The following BBS10 variants were observed in gnomAD, a reference collection of about 807,000 sequenced individuals.
BBS10 encodes the protein Bardet-Biedl syndrome 10, also known as BBSome complex assembly protein BBS10.
BBS10 carries 13 observed loss-of-function variants against 12.7 expected under a neutral mutation model. That is an observed-to-expected ratio of 1.03 (90% CI 0.67 to 1.63). The LOEUF (loss-of-function observed/expected upper bound fraction) is 1.63, where lower values mean the gene tolerates loss of function less well. Ranked by LOEUF, BBS10 falls within the 40% of genes most tolerant of loss-of-function variation. BBS10 has a pLI of 0.00. For synonymous variants in BBS10, 294 were observed against 304.8 expected (o/e 0.96, Z 0.37); for missense variants, 858 against 858.0 (o/e 1.00, Z 0.00).
At chr12:76,347,808 G>A in intron 1 of BBS10, 21 bp from the exon 2 acceptor site, 2 of 1,597,988 alleles carry the variant, frequency 1.3e-6, no homozygotes, top group Non-Finnish European at 1.7e-6. Flanking sequence ...AAGAAATAAA[G>A]CAACTCATTT....
Position 76,347,294 on chromosome 12 carries a change from A to G in BBS10, c.691T>C (p.Ser231Pro), listed in dbSNP as rs777951931. The change falls in exon 2 of 2, where the codon TCA becomes CCA. Residue 231 changes from serine to proline, a missense_variant. Transcript: ENST00000650064. The stretch of plus-strand genomic sequence containing the variant: ...AGACCAGCTATGATCCTGGAATCTG[A>G]AACAGGAAGGCCAGTGACACCAACA... ...LNVGVTGLPV[S>P]DSRIIAGLVL... 8 of 1,613,948 alleles carry G rather than the reference A, an allele frequency of 5.0e-6. No individual in the cohort carries two copies. Among genetic ancestry groups the G allele is most frequent in the African/African-American group, 1.3e-5 (1 of 75,050 alleles).
chr12:76,348,263 C>G lies in BBS10; in HGVS notation c.96G>C (p.Glu32Asp). 2 of 1,613,472 alleles carry G rather than the reference C, an allele frequency of 1.2e-6. No homozygotes were observed. The highest frequency in any genetic ancestry group is 1.7e-6 in the Non-Finnish European group (2 of 1,179,718). ...EAIVSCCVGPEGRQVLCTKPT... is the reference protein window; with the variant it reads ...EAIVSCCVGPDGRQVLCTKPT... ...GCTTCGTACACAAAACTTGCCGTCC[C>G]TCGGGCCCCACGCAGCAGCTCACGA... Residue 32 changes from glutamate to aspartate, a missense_variant, in exon 1 of 2, where the codon GAG (glutamate) becomes GAC (aspartate). By Grantham distance (45) the Glu-to-Asp change is conservative. Coordinates refer to ENST00000650064, the MANE Select transcript of BBS10 (RefSeq NM_024685.4).
chr12:76,347,800 G>T lies in BBS10; in HGVS notation c.198-13C>A. 1.3e-6 allele frequency: 2 copies of T among 1,598,788 alleles called. No individual in the cohort carries two copies. The highest frequency in any genetic ancestry group is 1.7e-6 in the Non-Finnish European group (2 of 1,179,494). On this transcript the variant is annotated splice_polypyrimidine_tract_variant and intron_variant, in intron 1 of 1. Transcript: ENST00000650064. ...GTCCACTATCATCCTGTACAAAAAAGAAATAAAGCAACTCATTTTCAGAAG... is the reference window on the plus strand; with the variant it reads ...GTCCACTATCATCCTGTACAAAAAATAAATAAAGCAACTCATTTTCAGAAG...
chr12:76,346,733 G>A lies in BBS10; in HGVS notation c.1252C>T (p.Leu418Phe), dbSNP rs757989987. 8.7e-6 allele frequency: 14 copies of A among 1,614,124 alleles called. No homozygotes were observed. The highest frequency in any genetic ancestry group is 1.2e-5 in the Non-Finnish European group (14 of 1,179,990). The change falls in exon 2 of 2, where the codon CTT becomes TTT. Residue 418 changes from leucine (L) to phenylalanine (F), a missense_variant. Physicochemically the swap from Leu to Phe is conservative, Grantham distance 22 (BLOSUM62 0). Transcript: ENST00000650064. ...EQHEDALHGA[L>F]KMLRQLFKDL... ...TTAAATAATTGCCGAAGCATTTTAAGTGCTCCATGTAAAGCATCCTCATGT... is the reference window on the plus strand; with the variant it reads ...TTAAATAATTGCCGAAGCATTTTAAATGCTCCATGTAAAGCATCCTCATGT...
Position 76,346,432 on chromosome 12 carries a change from T to C in BBS10, c.1553A>G (p.Gln518Arg), listed in dbSNP as rs745357628. Residue 518 changes from glutamine to arginine, a missense_variant, in exon 2 of 2, where the codon CAA becomes CGA. Coordinates refer to ENST00000650064, the MANE Select transcript of BBS10 (RefSeq NM_024685.4). ...CAAACATGTCAGCGTTTCAACTGTT[T>C]GGAATGTATCTGTTGGTGTCAGTGT... ...TPTLTPTDTFQTVETLTCLSL... is the reference protein window; with the variant it reads ...TPTLTPTDTFRTVETLTCLSL... The C allele has an allele frequency of 1.2e-6, 2 of 1,614,206 alleles. No individual in the cohort carries two copies. Among genetic ancestry groups the C allele is most frequent in the South Asian group, 1.1e-5 (1 of 91,080 alleles).
Position 76,346,134 on chromosome 12 carries a change from A to G in BBS10, c.1851T>C (p.Tyr617=). The change falls in exon 2 of 2, where the codon TAT becomes TAC. Residue 617 remains tyrosine, a synonymous_variant. Transcript: ENST00000650064. Reference sequence around the variant, plus strand: ...CTTCTGATTGATGGCATTTTTTGGCATAATTGAGAAGATAGTAATGTAACA... The same window carrying G: ...CTTCTGATTGATGGCATTTTTTGGCGTAATTGAGAAGATAGTAATGTAACA... ...EILLHYYLLN[Y]AKKCHQSEET... The G allele has an allele frequency of 1.2e-6, 2 of 1,608,594 alleles. No homozygotes were observed. The highest frequency in any genetic ancestry group is 1.7e-6 in the Non-Finnish European group (2 of 1,178,288).
Position 76,348,268 on chromosome 12 carries a change from G to A in BBS10, c.91C>T (p.Pro31Ser), listed in dbSNP as rs766895183. The A allele has an allele frequency of 1.9e-6, 3 of 1,613,184 alleles. No individual in the cohort carries two copies. Among genetic ancestry groups the A allele is most frequent in the East Asian group, 2.2e-5 (1 of 44,814 alleles). Residue 31 changes from proline to serine, a missense_variant, in exon 1 of 2, where the codon CCC becomes TCC. Pro to Ser is a moderately conservative substitution (Grantham distance 74). Transcript: ENST00000650064. ...LEAIVSCCVGPEGRQVLCTKP... is the reference protein window; with the variant it reads ...LEAIVSCCVGSEGRQVLCTKP... ...GTACACAAAACTTGCCGTCCCTCGG[G>A]CCCCACGCAGCAGCTCACGATGGCT...
At position 76,346,893 on chromosome 12, in the gene BBS10, G is replaced by A. The variant is rs1951763479; in HGVS notation, c.1092C>T (p.Asn364=). The change falls in exon 2 of 2, where the codon AAC becomes AAT. Residue 364 remains asparagine (N), a synonymous_variant. Coordinates refer to ENST00000650064, the MANE Select transcript of BBS10 (RefSeq NM_024685.4). ...PQAFSQCEIP[N]TALVKFCKPL... The stretch of plus-strand genomic sequence containing the variant: ...GTTTACAAAATTTCACCAAAGCAGT[G>A]TTAGGTATTTCACACTGCGAAAAGG... 2.3e-5 allele frequency: 37 copies of A among 1,613,332 alleles called. No individual in the cohort carries two copies. Among genetic ancestry groups the A allele is most frequent in the Non-Finnish European group, 3.1e-5 (37 of 1,180,004 alleles).
chr12:76,347,293 G>GA lies in BBS10; in HGVS notation c.691dup (p.Ser231PhefsTer24). ...AAGACCAGCTATGATCCTGGAATCTGAAACAGGAAGGCCAGTGACACCAAC... is the reference window on the plus strand; with the variant it reads ...AAGACCAGCTATGATCCTGGAATCTGAAAACAGGAAGGCCAGTGACACCAAC... On this transcript the variant is annotated frameshift_variant, in exon 2 of 2. Transcript: ENST00000650064. LOFTEE classifies it low-confidence loss of function (END_TRUNC). The GA allele has an allele frequency of 6.2e-7, 1 of 1,613,828 alleles. No homozygotes were observed. Among genetic ancestry groups the GA allele is most frequent in the South Asian group, 1.1e-5 (1 of 91,074 alleles).
At position 76,346,259 on chromosome 12, in the gene BBS10, C is replaced by T; in HGVS notation, c.1726G>A (p.Val576Met). 1 of 1,612,544 alleles carries T rather than the reference C, an allele frequency of 6.2e-7. No homozygotes were observed. Among genetic ancestry groups the T allele is most frequent in the Non-Finnish European group, 8.5e-7 (1 of 1,179,230 alleles). The change falls in exon 2 of 2, where the codon GTG (valine) becomes ATG (methionine). Residue 576 changes from valine to methionine, a missense_variant. Physicochemically the swap from Val to Met is conservative, Grantham distance 21 (BLOSUM62 1). Transcript: ENST00000650064. ...CCCATATTCGGTAACTTACAGCTCA[C>T]TGGTAACATGCTTCCCTTTCTAGTA... ...NITRKGSMLP[V>M]SCKLPNMGTS...
At position 76,346,379 on chromosome 12, in the gene BBS10, A is replaced by T; in HGVS notation, c.1606T>A (p.Tyr536Asn). 6.2e-7 allele frequency: 1 copy of T among 1,614,058 alleles called. No individual in the cohort carries two copies. Among genetic ancestry groups the T allele is most frequent in the Non-Finnish European group, 8.5e-7 (1 of 1,179,916 alleles). ...LSLERNRLTD[Y>N]YEPLLKNNST... The stretch of plus-strand genomic sequence containing the variant: ...TTGTTCTTGAGTAATGGTTCATAAT[A>T]ATCAGTTAGCCTGTTTCTTTCCAAA... Residue 536 changes from tyrosine (Y) to asparagine (N), a missense_variant, in exon 2 of 2, where the codon TAT (tyrosine) becomes AAT (asparagine). Transcript: ENST00000650064.
In BBS10 at chr12:76,348,410, G is replaced by T; in HGVS notation, c.-52C>A. The T allele has an allele frequency of 2.6e-6, 4 of 1,539,932 alleles. No homozygotes were observed. Among genetic ancestry groups the T allele is most frequent in the Non-Finnish European group, 3.5e-6 (4 of 1,144,446 alleles). On this transcript the variant is annotated 5_prime_UTR_variant, in exon 1 of 2. Coordinates refer to ENST00000650064, the MANE Select transcript of BBS10 (RefSeq NM_024685.4). ...AGCTTGCAGAACACCCGGGCCGACC[G>T]AAAACAGGGGTGGGAACGGCCGGAA...
Position 76,346,481 on chromosome 12 carries a change from T to C in BBS10, c.1504A>G (p.Thr502Ala), listed in dbSNP as rs754529978. ...NLVIPDVELE[T>A]YIPYSTPTLT... Reference sequence around the variant, plus strand: ...GTGGGGGTTGAATACGGAATATATGTTTCTAATTCTACATCTGGAATTACC... The same window carrying C: ...GTGGGGGTTGAATACGGAATATATGCTTCTAATTCTACATCTGGAATTACC... The change falls in exon 2 of 2, where the codon ACA becomes GCA. Residue 502 changes from threonine (T) to alanine (A), a missense_variant. By Grantham distance (58) the Thr-to-Ala change is moderately conservative. Coordinates refer to ENST00000650064, the MANE Select transcript of BBS10 (RefSeq NM_024685.4). 10 of 1,614,116 alleles carry C rather than the reference T, an allele frequency of 6.2e-6. No homozygotes were observed. Among genetic ancestry groups the C allele is most frequent in the Non-Finnish European group, 7.6e-6 (9 of 1,179,948 alleles).
Position 76,346,731 on chromosome 12 carries a change from A to C in BBS10, c.1254T>G (p.Leu418=). The change falls in exon 2 of 2, where the codon CTT becomes CTG. Residue 418 remains leucine, a synonymous_variant. Transcript: ENST00000650064. ...CTTTAAATAATTGCCGAAGCATTTTAAGTGCTCCATGTAAAGCATCCTCAT... is the reference window on the plus strand; with the variant it reads ...CTTTAAATAATTGCCGAAGCATTTTCAGTGCTCCATGTAAAGCATCCTCAT... ...EQHEDALHGA[L]KMLRQLFKDL... 1 of 1,614,170 alleles carries C rather than the reference A, an allele frequency of 6.2e-7. No homozygotes were observed. The highest frequency in any genetic ancestry group is 2.2e-5 in the East Asian group (1 of 44,874).
At position 76,347,611 on chromosome 12, in the gene BBS10, C is replaced by T. The variant is rs1592492758; in HGVS notation, c.374G>A (p.Arg125Gln). 6.2e-7 allele frequency: 1 copy of T among 1,613,630 alleles called. No homozygotes were observed. Among genetic ancestry groups the T allele is most frequent in the East Asian group, 2.2e-5 (1 of 44,850 alleles). ...THGRHWKNCS[R>Q]WKFISQALLT... ...GAGAGCCTGGGAAATAAATTTCCAC[C>T]GAGAACAATTTTTCCAATGCCTTCC... Residue 125 changes from arginine (R) to glutamine (Q), a missense_variant, in exon 2 of 2, where the codon CGG becomes CAG. Transcript: ENST00000650064.
chr12:76,347,182 A>C lies in BBS10; in HGVS notation c.803T>G (p.Phe268Cys). 6.2e-7 allele frequency: 1 copy of C among 1,611,182 alleles called. No homozygotes were observed. Among genetic ancestry groups the C allele is most frequent in the Non-Finnish European group, 8.5e-7 (1 of 1,180,008 alleles). ...VIVTETIQPLFSTSGSEFILN... is the reference protein window; with the variant it reads ...VIVTETIQPLCSTSGSEFILN... ...AATAAACTCTGATCCAGAAGTGGAAAAAAGAGGCTGAATGGTTTCTGTTAC... is the reference window on the plus strand; with the variant it reads ...AATAAACTCTGATCCAGAAGTGGAACAAAGAGGCTGAATGGTTTCTGTTAC... The change falls in exon 2 of 2, where the codon TTT becomes TGT. Residue 268 changes from phenylalanine (F) to cysteine (C), a missense_variant. By Grantham distance (205) the Phe-to-Cys change is radical. Coordinates refer to ENST00000650064, the MANE Select transcript of BBS10 (RefSeq NM_024685.4).
rs1396355979 is a variant in BBS10, at chr12:76,347,360, C to A, written c.625G>T (p.Gly209Cys). Reference sequence around the variant, plus strand: ...TGGTCATCCACTAACTCAAATACACCAATCCCACTTTTACAAGTCATACAC... The same window carrying A: ...TGGTCATCCACTAACTCAAATACACAAATCCCACTTTTACAAGTCATACAC... ...FKCMTCKSGI[G>C]VFELVDDHFV... is the part of the protein sequence containing the mutation. Residue 209 changes from glycine to cysteine, a missense_variant, in exon 2 of 2, where the codon GGT becomes TGT. Coordinates refer to ENST00000650064, the MANE Select transcript of BBS10 (RefSeq NM_024685.4). The A allele has an allele frequency of 1.9e-6, 3 of 1,613,978 alleles. No homozygotes were observed. The highest frequency in any genetic ancestry group is 1.7e-6 in the Non-Finnish European group (2 of 1,179,970).
In BBS10 at chr12:76,345,120, C is replaced by T. The variant is rs947453803; in HGVS notation, c.*693G>A. ...TATCCTTTCTAGTATTAACCTTTTA[C>T]TACAGAAATGAAAGAGTTAACAATG... On this transcript the variant is annotated 3_prime_UTR_variant, in exon 2 of 2. Transcript: ENST00000650064. 3 of 152,050 alleles carry T rather than the reference C, an allele frequency of 2.0e-5. No individual in the cohort carries two copies. Among genetic ancestry groups the T allele is most frequent in the South Asian group, 2.1e-4 (1 of 4,832 alleles). The allele number at this position is 152,050 out of a possible 1,614,324, so 9.4% of individuals were successfully genotyped here. A position where few individuals can be genotyped will look rare whatever the true frequency, so the allele number is the denominator to read the frequency against.
rs765430406 is a variant in BBS10, at chr12:76,345,891, T to C, written c.2094A>G (p.Ile698Met). The C allele has an allele frequency of 4.3e-6, 7 of 1,613,706 alleles. No homozygotes were observed. Among genetic ancestry groups the C allele is most frequent in the African/African-American group, 1.3e-5 (1 of 74,918 alleles). The change falls in exon 2 of 2, where the codon ATA (isoleucine) becomes ATG (methionine). Residue 698 changes from isoleucine (I) to methionine (M), a missense_variant. Coordinates refer to ENST00000650064, the MANE Select transcript of BBS10 (RefSeq NM_024685.4). ...LTSVLQCLTK[I>M]LTIDMVITVK... is the part of the protein sequence containing the mutation. ...CAGTGATTACCATGTCAATGGTTAA[T>C]ATTTTTGTCAAACACTGAAGAACTG...
Sources: gnomAD v4.1 joint callset for allele counts on GRCh38, gnomAD v4.1.1 for gene constraint, MANE v1.5 for transcripts, NCBI Gene and HGNC (gene_info 2026-07-23, HGNC 2026-07-21) for gene names.